Variants in RC3H1 observed in about 807,000 individuals in gnomAD.
The protein encoded by RC3H1 is roquin-1.
In RC3H1, 50 loss-of-function variants were observed where a neutral mutation model predicts 138.2. That is an observed-to-expected ratio of 0.36 (90% CI 0.29 to 0.46). RC3H1 has a LOEUF of 0.46. RC3H1 is among the 20% of genes least tolerant of loss of function. The pLI, the probability that RC3H1 is intolerant of heterozygous loss-of-function variation, is 1.00. For synonymous variants in RC3H1, 462 were observed against 489.1 expected (o/e 0.94, Z 0.73); for missense variants, 1,031 against 1,388.1 (o/e 0.74, Z 4.09).
At chr1:173,999,687 T>C (rs557075416) in intron 1 of RC3H1, among the ~76,000 whole-genome samples, 1 of 152,374 alleles carries the variant, frequency 6.6e-6, no homozygotes, top group African/African-American at 2.4e-5. Flanking sequence ...TGTCAGTCAC[T>C]GTGCTAGGTG....
intron 13 of RC3H1, among the ~76,000 whole-genome samples, chr1:173,956,654 C>T: frequency 7.0e-6 from 1 of 141,954 alleles, no homozygotes; most frequent in East Asian, 2.0e-4. Flanking sequence ...AGTGAAACTC[C>T]ACCTCAAAAA....
Position 173,952,093 on chromosome 1 carries a change from C to A in RC3H1, c.2416G>T (p.Asp806Tyr). 2.5e-6 allele frequency: 4 copies of A among 1,592,980 alleles called. No homozygotes were observed. The highest frequency in any genetic ancestry group is 2.3e-5 in the East Asian group (1 of 44,112). The change falls in exon 14 of 20, where the codon GAT (aspartate) becomes TAT (tyrosine). Residue 806 changes from aspartate (D) to tyrosine (Y), a missense_variant. Transcript: ENST00000367696. ...LKVAGKYKGN[D>Y]YSQYSPWSCD... is the part of the protein sequence containing the mutation. ...GACCAGGGAGAGTATTGGCTATAAT[C>A]ATTTCCTTTGTATTTCCCAGCTACC...
chr1:174,012,243 A>T (rs1223495530), intron 1 of RC3H1, among the ~76,000 whole-genome samples: 2 of 151,838 alleles, frequency 1.3e-5, no homozygotes, highest in Non-Finnish European at 2.9e-5. Flanking sequence ...AAAAAAAAAT[A>T]GGTAACATAT....
At chr1:173,943,391 C>A in intron 18 of RC3H1, 51 bp downstream of exon 18, 2 of 1,542,204 alleles carry the variant, frequency 1.3e-6, no homozygotes, top group African/African-American at 1.4e-5. Context: ...TCTAGAGCCA[C>A]ATGAAAGATT....
At chr1:173,989,759 G>T (rs1432593391) in intron 2 of RC3H1, among the ~76,000 whole-genome samples, 3 of 118,082 alleles carry the variant, frequency 2.5e-5, no homozygotes, top group South Asian at 5.1e-4. Flanking sequence ...TCGCTCTGTC[G>T]CCCAGGCCGG....
intron 14 of RC3H1, among the ~76,000 whole-genome samples, chr1:173,950,849 T>C (rs1330758746): frequency 2.1e-5 from 3 of 144,134 alleles, no homozygotes; most frequent in Admixed American, 7.0e-5. Flanking sequence ...TCTGGAAACA[T>C]AGCAAGACCC....
chr1:173,988,548 G>T (rs545536748), intron 2 of RC3H1, among the ~76,000 whole-genome samples: 1 of 152,200 alleles, frequency 6.6e-6, no homozygotes, highest in African/African-American at 2.4e-5. Context: ...AAATAGTCAT[G>T]TGAGGGTTTC....
chr1:173,975,637 G>A (rs1024232560), intron 7 of RC3H1, among the ~76,000 whole-genome samples: 2 of 61,052 alleles, frequency 3.3e-5, no homozygotes, highest in Admixed American at 2.4e-4. Context: ...GGTGGCTCAC[G>A]CCTGTAATCC....
chr1:173,949,906 C>A (rs1659311149), intron 14 of RC3H1, among the ~76,000 whole-genome samples: 1 of 152,100 alleles, frequency 6.6e-6, no homozygotes, highest in African/African-American at 2.4e-5. Context: ...GTGGCTCACA[C>A]CTGTAATCCC....
intron 13 of RC3H1, among the ~76,000 whole-genome samples, chr1:173,959,599 C>T (rs1313359164): frequency 2.0e-5 from 3 of 150,932 alleles, no homozygotes; most frequent in African/African-American, 2.4e-5. Flanking sequence ...GGTGAAACCC[C>T]GTCTCTACTA....
chr1:173,983,109 AT>A, intron 4 of RC3H1: 1 of 480,368 alleles, frequency 2.1e-6, no homozygotes, highest in Non-Finnish European at 3.6e-6. Flanking sequence ...AGATAAAGTG[AT>A]TAATAAATTT....
intron 1 of RC3H1, among the ~76,000 whole-genome samples, chr1:173,996,197 T>C (rs1451839884): frequency 6.6e-6 from 1 of 151,960 alleles, no homozygotes; most frequent in Non-Finnish European, 1.5e-5. Flanking sequence ...GAGGTTGCAG[T>C]GAGCCGAAAT....
intron 2 of RC3H1, among the ~76,000 whole-genome samples, chr1:173,988,919 T>C (rs918211946): frequency 1.3e-5 from 2 of 152,242 alleles, no homozygotes; most frequent in Non-Finnish European, 2.9e-5. Flanking sequence ...GTTGTAAGAG[T>C]TCCTTATATA....
At chr1:173,983,390 G>T (rs774501984) in intron 4 of RC3H1, 28 bp downstream of exon 4, 2 of 1,611,892 alleles carry the variant, frequency 1.2e-6, no homozygotes, top group East Asian at 2.2e-5. Context: ...ATTACCAGCA[G>T]AATAAATACC....
intron 1 of RC3H1, among the ~76,000 whole-genome samples, chr1:174,020,406 T>A (rs1180234133): frequency 6.6e-6 from 1 of 152,226 alleles, no homozygotes; most frequent in Admixed American, 6.5e-5. Flanking sequence ...GTGGAAGAAC[T>A]AAGAACTAGA....
At chr1:173,941,500 C>T in intron 18 of RC3H1, 120 bp from the exon 19 acceptor site, 1 of 637,184 alleles carries the variant, frequency 1.6e-6, no homozygotes, top group Non-Finnish European at 2.8e-6. Context: ...TGTAAAATAA[C>T]CAAAGAAACT....
chr1:173,961,858 C>T lies in RC3H1; in HGVS notation c.2069G>A (p.Ser690Asn). 6.2e-7 allele frequency: 1 copy of T among 1,614,112 alleles called. No individual in the cohort carries two copies. The highest frequency in any genetic ancestry group is 8.5e-7 in the Non-Finnish European group (1 of 1,180,028). The change falls in exon 12 of 20, where the codon AGC becomes AAC. Residue 690 changes from serine (S) to asparagine (N), a missense_variant. Ser to Asn is a conservative substitution (Grantham distance 46). This residue lies in a region of RC3H1 where 716 missense variants were observed against 837.9 expected (regional missense o/e 0.85). Coordinates refer to ENST00000367696, the MANE Select transcript of RC3H1 (RefSeq NM_172071.4). ...SYTREEIFRESPIPIEIPPAA... is the reference protein window; with the variant it reads ...SYTREEIFRENPIPIEIPPAA... The stretch of plus-strand genomic sequence containing the variant: ...AGGTGGAATCTCAATGGGTATAGGG[C>T]TTTCTCGGAATATCTCTTCTCTTGT...
At chr1:173,947,330 T>C in intron 15 of RC3H1, 39 bp downstream of exon 15, 11 of 1,411,652 alleles carry the variant, frequency 7.8e-6, no homozygotes, top group Non-Finnish European at 1.1e-5. Flanking sequence ...AAGTCAAGAT[T>C]ATGAACCCTT....
At chr1:173,962,246 G>T in intron 11 of RC3H1, 151 bp from the exon 12 acceptor site, 1 of 819,660 alleles carries the variant, frequency 1.2e-6, no homozygotes, top group Non-Finnish European at 1.9e-6. Context: ...AATCAGGTTA[G>T]CTTTTTAAAA....
Sources: allele counts gnomAD v4.1 joint callset (sites outside exome capture counted in the v4.1 genomes callset), GRCh38; gene constraint gnomAD v4.1.1; regional missense constraint gnomAD v4.1.1; transcripts MANE v1.5; gene names NCBI Gene and HGNC (gene_info 2026-07-23, HGNC 2026-07-21).